LINS1: variants seen among roughly 807,000 people sequenced by gnomAD.
LINS1 encodes lines homolog 1.
In LINS1, 27 loss-of-function variants were observed where a neutral mutation model predicts 41.6. The observed-to-expected ratio is 0.65, with a 90% CI of 0.48 to 0.89. The LOEUF is 0.89. LINS1 is among the 40% of genes least tolerant of loss of function. LINS1 has a pLI of 0.00. For synonymous variants in LINS1, 336 were observed against 312.9 expected (o/e 1.07, Z -0.78); for missense variants, 955 against 884.1 (o/e 1.08, Z -1.02).
chr15:100,595,910 A>G (rs1241439818), intron 1 of LINS1, among the ~76,000 whole-genome samples: 1 of 152,200 alleles, frequency 6.6e-6, no homozygotes, highest in African/African-American at 2.4e-5. Flanking sequence ...TCCCTCCACC[A>G]ATCGAAACTG....
At chr15:100,591,576 A>C (rs1001066653) in intron 1 of LINS1, among the ~76,000 whole-genome samples, 84 of 152,350 alleles carry the variant, frequency 5.5e-4, no homozygotes, top group African/African-American at 1.6e-3. Flanking sequence ...CGTTAAGGAA[A>C]CACATAGATC....
At chr15:100,590,884 T>C (rs1333649514) in intron 1 of LINS1, among the ~76,000 whole-genome samples, 1 of 152,162 alleles carries the variant, frequency 6.6e-6, no homozygotes, top group Admixed American at 6.5e-5. Flanking sequence ...CCAATAGTCA[T>C]AACAATAGTC....
Position 100,574,175 on chromosome 15 carries a change from G to A in LINS1, c.698C>T (p.Ser233Phe). The A allele has an allele frequency of 6.2e-7, 1 of 1,613,728 alleles. No homozygotes were observed. Among genetic ancestry groups the A allele is most frequent in the Non-Finnish European group, 8.5e-7 (1 of 1,179,684 alleles). Reference protein sequence around the residue: ...IFEVFYNSLFSQHFENCRDTS... With the variant: ...IFEVFYNSLFFQHFENCRDTS... ...ATCCCGGCAGTTTTCAAAATGCTGAGAGAATAAGGAATTGTAAAACACTTC... is the reference window on the plus strand; with the variant it reads ...ATCCCGGCAGTTTTCAAAATGCTGAAAGAATAAGGAATTGTAAAACACTTC... Residue 233 changes from serine to phenylalanine, a missense_variant, in exon 5 of 7, where the codon TCT (serine) becomes TTT (phenylalanine). Physicochemically the swap from Ser to Phe is radical, Grantham distance 155 (BLOSUM62 -2). Coordinates refer to ENST00000314742, the MANE Select transcript of LINS1 (RefSeq NM_001040616.3).
In LINS1 at chr15:100,573,640, T is replaced by C. The variant is rs2037974651; in HGVS notation, c.1222+11A>G. 1 of 1,498,688 alleles carries C rather than the reference T, an allele frequency of 6.7e-7. No homozygotes were observed. The highest frequency in any genetic ancestry group is 9.3e-7 in the Non-Finnish European group (1 of 1,077,620). The allele number at this position is 1,498,688 out of a possible 1,614,324, so 92.8% of individuals were successfully genotyped here. Reference sequence around the variant, plus strand: ...TTACACACTGCATACAAAAGGAGTTTGGAGAATTACCTTTCACTTCACTTG... The same window carrying C: ...TTACACACTGCATACAAAAGGAGTTCGGAGAATTACCTTTCACTTCACTTG... On this transcript the variant is annotated intron_variant, in intron 5 of 6. Coordinates refer to ENST00000314742, the MANE Select transcript of LINS1 (RefSeq NM_001040616.3).
intron 1 of LINS1, among the ~76,000 whole-genome samples, chr15:100,596,187 T>TG (rs1352632607): frequency 6.6e-6 from 1 of 152,106 alleles, no homozygotes; most frequent in African/African-American, 2.4e-5. Flanking sequence ...TTACTGGCCT[T>TG]GGAGTGCTAC....
In LINS1 at chr15:100,567,365, A is replaced by AC. The variant is rs1325466619; in HGVS notation, c.*1872dup. On this transcript the variant is annotated 3_prime_UTR_variant, in exon 7 of 7. Coordinates refer to ENST00000314742, the MANE Select transcript of LINS1 (RefSeq NM_001040616.3). ...CTGCATGTATCCCACTAAAAATAGT[A>AC]CAAAAAGATGAGACTTTGTCTTCCA... 6.6e-6 allele frequency: 1 copy of AC among 152,260 alleles called. No individual in the cohort carries two copies. Among genetic ancestry groups the AC allele is most frequent in the Non-Finnish European group, 1.5e-5 (1 of 68,044 alleles). The allele number at this position is 152,260 out of a possible 1,614,324, so 9.4% of individuals were successfully genotyped here. A position where few individuals can be genotyped will look rare whatever the true frequency, so the allele number is the denominator to read the frequency against.
chr15:100,593,566 G>C (rs1434709726), intron 1 of LINS1, among the ~76,000 whole-genome samples: 4 of 146,812 alleles, frequency 2.7e-5, no homozygotes, highest in African/African-American at 9.8e-5. Flanking sequence ...TTATGGGGGG[G>C]GGGGGTGCTT....
At chr15:100,587,156 TTA>T (rs2038839517) in intron 1 of LINS1, among the ~76,000 whole-genome samples, 1 of 14,328 alleles carries the variant, frequency 7.0e-5, no homozygotes, top group Admixed American at 7.8e-4. Flanking sequence ...AGACTCTGTC[TTA>T]AAAAAAAAAA....
intron 3 of LINS1, among the ~76,000 whole-genome samples, chr15:100,577,303 T>G (rs1159292838): frequency 6.6e-6 from 1 of 152,016 alleles, no homozygotes; most frequent in African/African-American, 2.4e-5. Flanking sequence ...AAAATCTCCT[T>G]AAGCTGATAA....
intron 1 of LINS1, among the ~76,000 whole-genome samples, chr15:100,600,551 C>CAAAAAAGAAAAAAAAAA (rs2039437157): frequency 1.3e-5 from 1 of 79,672 alleles, no homozygotes; most frequent in Non-Finnish European, 2.2e-5. Flanking sequence ...TGCTGTTAAG[C>CAAAAAAGAAAAAAAAAA]AAAAAAAAAA....
At chr15:100,593,248 G>A (rs1414180238) in intron 1 of LINS1, among the ~76,000 whole-genome samples, 4 of 152,156 alleles carry the variant, frequency 2.6e-5, no homozygotes, top group East Asian at 3.9e-4. Context: ...AGTCTTACTA[G>A]GTAAGTGAAG....
At chr15:100,590,312 A>C (rs2038977255) in intron 1 of LINS1, among the ~76,000 whole-genome samples, 2 of 152,244 alleles carry the variant, frequency 1.3e-5, no homozygotes, top group Admixed American at 6.5e-5. Flanking sequence ...CCAGCCTCGT[A>C]TATGAATAAC....
At position 100,591,427 on chromosome 15, in the gene LINS1, A is replaced by G. The variant is rs368098873; in HGVS notation, c.-103-10482T>C. Among the ~76,000 whole-genome samples the G allele has an allele frequency of 6.6e-4, 100 of 152,306 alleles. 1 individual carries two copies. The highest frequency in any genetic ancestry group is 2.3e-3 in the African/African-American group (94 of 41,566). On this transcript the variant is annotated intron_variant, in intron 1 of 6. Coordinates refer to ENST00000314742, the MANE Select transcript of LINS1 (RefSeq NM_001040616.3). ...GGCCCTAAGTTTTGGTCACACTCTC[A>G]CCTAAGTGAGAACGTGACCAAAAAG...
intron 1 of LINS1, among the ~76,000 whole-genome samples, chr15:100,592,636 T>C (rs2039087391): frequency 6.6e-6 from 1 of 152,218 alleles, no homozygotes; most frequent in African/African-American, 2.4e-5. Context: ...GAAGCTGTCT[T>C]GAGCTGCTTC....
intron 1 of LINS1, among the ~76,000 whole-genome samples, chr15:100,585,271 T>C (rs988142353): frequency 6.6e-6 from 1 of 152,222 alleles, no homozygotes; most frequent in Admixed American, 6.5e-5. Flanking sequence ...GGGATGCCCT[T>C]GGCAGAGGTT....
At chr15:100,593,305 C>T (rs1178083081) in intron 1 of LINS1, among the ~76,000 whole-genome samples, 2 of 152,112 alleles carry the variant, frequency 1.3e-5, no homozygotes, top group Non-Finnish European at 2.9e-5. Context: ...GAGCTGAAAT[C>T]CCACACCAAG....
At position 100,569,128 on chromosome 15, in the gene LINS1, A is replaced by AG; in HGVS notation, c.*109_*110insC. 1 of 737,586 alleles carries AG rather than the reference A, an allele frequency of 1.4e-6. No homozygotes were observed. The highest frequency in any genetic ancestry group is 1.8e-5 in the African/African-American group (1 of 56,044). 45.7% of individuals were successfully genotyped at this position (737,586 alleles called of 1,614,324 possible). On this transcript the variant is annotated 3_prime_UTR_variant, in exon 7 of 7. Coordinates refer to ENST00000314742, the MANE Select transcript of LINS1 (RefSeq NM_001040616.3). ...ACAGAATGAGATTCTGTCTCAAAAAAAAAAAAAAAAAAGAAAACCCTTTTA... is the reference window on the plus strand; with the variant it reads ...ACAGAATGAGATTCTGTCTCAAAAAAGAAAAAAAAAAAAGAAAACCCTTTTA...
intron 3 of LINS1, among the ~76,000 whole-genome samples, chr15:100,578,308 TAA>T (rs2038313519): frequency 6.6e-6 from 1 of 151,950 alleles, no homozygotes; most frequent in African/African-American, 2.4e-5. Flanking sequence ...AATCTACAAA[TAA>T]CTCAAACAAA....
intron 1 of LINS1, among the ~76,000 whole-genome samples, chr15:100,589,273 A>C (rs1330629782): frequency 6.6e-6 from 1 of 152,274 alleles, no homozygotes; most frequent in Non-Finnish European, 1.5e-5. Context: ...GTTAAACCAC[A>C]GAAATAACCA....
Sources: allele counts gnomAD v4.1 joint callset (sites outside exome capture counted in the v4.1 genomes callset), GRCh38; gene constraint gnomAD v4.1.1; transcripts MANE v1.5; gene names NCBI Gene and HGNC (gene_info 2026-07-23, HGNC 2026-07-21).